SBF2: variants seen among roughly 807,000 people sequenced by gnomAD.
SBF2 encodes the protein myotubularin-related protein 13.
SBF2 carries 112 observed loss-of-function variants against 225.2 expected under a neutral mutation model. The observed-to-expected ratio is 0.50, with a 90% CI of 0.43 to 0.58. The LOEUF (loss-of-function observed/expected upper bound fraction) is 0.58. Among genes scored for constraint, SBF2 ranks in the 20% least tolerant of loss-of-function variants. The pLI, the probability that SBF2 is intolerant of heterozygous loss-of-function variation, is 0.00. For missense variants in SBF2, 1,996 were observed against 2,206.2 expected (o/e 0.90, Z 1.91); for synonymous variants, 763 against 773.3 (o/e 0.99, Z 0.22).
chr11:9,790,317 C>A (rs1852660032), intron 34 of SBF2, among the ~76,000 whole-genome samples: 1 of 152,180 alleles, frequency 6.6e-6, no homozygotes, highest in African/African-American at 2.4e-5. Context: ...TGATTCTCTG[C>A]AAGTTTTCCC....
In SBF2 at chr11:9,829,244, A is replaced by G. The variant is rs561465186; in HGVS notation, c.3793+112T>C. 3.0e-4 allele frequency: 375 copies of G among 1,245,584 alleles called. 1 individual carries two copies. The African/African-American group carries it at 4.7e-3, about 16-fold the overall frequency. The allele number at this position is 1,245,584 out of a possible 1,614,324, so 77.2% of individuals were successfully genotyped here. ...AACCCTTCAGGGTAAAACTTTTAAGAAGTCTTGGTGAAGGAACAGTACAAA... is the reference window on the plus strand; with the variant it reads ...AACCCTTCAGGGTAAAACTTTTAAGGAGTCTTGGTGAAGGAACAGTACAAA... On this transcript the variant is annotated intron_variant, in intron 28 of 39. Transcript: ENST00000256190.
chr11:10,063,791 T>A (rs1950529436), intron 2 of SBF2, among the ~76,000 whole-genome samples: 1 of 149,882 alleles, frequency 6.7e-6, no homozygotes, highest in African/African-American at 2.5e-5. Flanking sequence ...AAAAGACTAG[T>A]AAACTTAAGT....
chr11:10,156,492 C>T (rs1263599118), intron 2 of SBF2, among the ~76,000 whole-genome samples: 1 of 152,216 alleles, frequency 6.6e-6, no homozygotes, highest in Non-Finnish European at 1.5e-5. Flanking sequence ...GGGGTCCAGG[C>T]CATCCAGTCC....
chr11:10,198,931 G>A (rs912472189), intron 1 of SBF2, among the ~76,000 whole-genome samples: 12 of 152,148 alleles, frequency 7.9e-5, no homozygotes, highest in African/African-American at 2.9e-4. Flanking sequence ...AAATGTTGTG[G>A]CTAATTTCAT....
chr11:9,895,631 T>G (rs1056375910), intron 17 of SBF2, among the ~76,000 whole-genome samples: 19 of 152,140 alleles, frequency 1.2e-4, no homozygotes, highest in African/African-American at 4.3e-4. Context: ...CTCATGAAAT[T>G]TACTTTCTGT....
intron 8 of SBF2, among the ~76,000 whole-genome samples, chr11:10,000,067 C>T (rs891457674): frequency 1.3e-5 from 2 of 152,192 alleles, no homozygotes; most frequent in African/African-American, 4.8e-5. Context: ...GAGTACACTC[C>T]TCATCTCACA....
intron 31 of SBF2, chr11:9,808,460 G>A: frequency 1.9e-6 from 1 of 513,150 alleles, no homozygotes; most frequent in African/African-American, 1.9e-5. Flanking sequence ...CTTTTCCTAA[G>A]TTAATCAGAG....
At chr11:9,817,801 T>C (rs1438272440) in intron 28 of SBF2, among the ~76,000 whole-genome samples, 1 of 140,980 alleles carries the variant, frequency 7.1e-6, no homozygotes, top group Non-Finnish European at 1.5e-5. Context: ...GAGGCTGAAA[T>C]GGGAGGATCA....
chr11:9,917,248 T>C (rs572973802), intron 16 of SBF2, among the ~76,000 whole-genome samples: 1 of 151,824 alleles, frequency 6.6e-6, no homozygotes, highest in Non-Finnish European at 1.5e-5. Flanking sequence ...ATTTATCTTT[T>C]ATAAAGTCAC....
In SBF2 at chr11:10,130,204, TACAA is replaced by T. The variant is rs369094401; in HGVS notation, c.141+63694_141+63697del. ...AGTGAAACCCCATCTCTACTAAAAATACAAACAATTAGCCGGGTGTGGTGGCGGG... is the reference window on the plus strand; with the variant it reads ...AGTGAAACCCCATCTCTACTAAAAATACAATTAGCCGGGTGTGGTGGCGGG... On this transcript the variant is annotated intron_variant, in intron 2 of 39. Coordinates refer to ENST00000256190, the MANE Select transcript of SBF2 (RefSeq NM_030962.4). 1.3e-3 allele frequency among the ~76,000 whole-genome samples: 191 copies of T among 151,790 alleles called. 1 individual carries two copies. Among genetic ancestry groups the T allele is most frequent in the African/African-American group, 3.9e-3 (161 of 41,354 alleles).
chr11:9,928,857 G>A (rs925304321), intron 16 of SBF2: 2 of 219,074 alleles, frequency 9.1e-6, no homozygotes, highest in Non-Finnish European at 1.8e-5. Flanking sequence ...TTTTGTTAAT[G>A]ACTTATTACT....
chr11:9,917,781 A>G (rs1374416927), intron 16 of SBF2, among the ~76,000 whole-genome samples: 1 of 151,184 alleles, frequency 6.6e-6, no homozygotes, highest in Non-Finnish European at 1.5e-5. Flanking sequence ...CTGTATCGCC[A>G]GCCTAGACCA....
intron 28 of SBF2, among the ~76,000 whole-genome samples, chr11:9,817,550 A>G (rs1430420876): frequency 6.8e-6 from 1 of 147,766 alleles, no homozygotes; most frequent in African/African-American, 2.6e-5. Flanking sequence ...ATATCATGCC[A>G]AAACGATGTA....
chr11:9,882,725 T>G (rs964112141), intron 17 of SBF2, among the ~76,000 whole-genome samples: 2 of 145,542 alleles, frequency 1.4e-5, no homozygotes, highest in Non-Finnish European at 3.0e-5. Context: ...GAGAATCACT[T>G]GTACCCAGGA....
rs559538104 is a variant in SBF2, at chr11:10,278,696, T to C, written c.55+15319A>G. Among the ~76,000 whole-genome samples, 165 of 150,498 alleles carry C rather than the reference T, an allele frequency of 1.1e-3. 1 individual carries two copies. The highest frequency in any genetic ancestry group is 1.9e-3 in the Non-Finnish European group (130 of 67,780). On this transcript the variant is annotated intron_variant, in intron 1 of 39. Coordinates refer to ENST00000256190, the MANE Select transcript of SBF2 (RefSeq NM_030962.4). ...TACTTGGGAGGTTGAGGCAGGAGAA[T>C]AGCTTGAATCGGGGAGGCAGAGGTT...
At chr11:10,087,440 G>T (rs1235646099) in intron 2 of SBF2, among the ~76,000 whole-genome samples, 1 of 152,038 alleles carries the variant, frequency 6.6e-6, no homozygotes, top group Non-Finnish European at 1.5e-5. Flanking sequence ...TGAATATTCT[G>T]CAAGTGCCTT....
intron 1 of SBF2, among the ~76,000 whole-genome samples, chr11:10,257,338 T>C (rs763872628): frequency 7.9e-5 from 12 of 152,246 alleles, no homozygotes; most frequent in Non-Finnish European, 1.8e-4. Context: ...TGAGATATCA[T>C]ACAGTAAGAA....
chr11:9,798,277 C>G (rs919587490), intron 32 of SBF2, among the ~76,000 whole-genome samples: 2 of 152,172 alleles, frequency 1.3e-5, no homozygotes, highest in South Asian at 2.1e-4. Flanking sequence ...GCTCAGACCT[C>G]AAGTTTCCCC....
chr11:9,952,516 G>C (rs1865917490), intron 16 of SBF2, among the ~76,000 whole-genome samples: 1 of 152,106 alleles, frequency 6.6e-6, no homozygotes, highest in Non-Finnish European at 1.5e-5. Context: ...CTGCTACTTG[G>C]GAAAAGGCTT....
Sources: allele counts gnomAD v4.1 joint callset (sites outside exome capture counted in the v4.1 genomes callset), GRCh38; gene constraint gnomAD v4.1.1; transcripts MANE v1.5; gene names NCBI Gene and HGNC (gene_info 2026-07-23, HGNC 2026-07-21).